KCTD8: variants seen among roughly 807,000 people sequenced by gnomAD.
KCTD8 encodes the protein potassium channel tetramerization domain containing 8.
KCTD8 carries 27 observed loss-of-function variants against 31.5 expected under a neutral mutation model. The observed-to-expected ratio is 0.86, with a 90% confidence interval of 0.63 to 1.18. The LOEUF is 1.18. KCTD8 is among the 50% of genes most tolerant of loss of function. The pLI, the probability that KCTD8 is intolerant of heterozygous loss-of-function variation, is 0.00. For synonymous variants in KCTD8, 290 were observed against 280.0 expected (o/e 1.04, Z -0.36); for missense variants, 658 against 647.7 (o/e 1.02, Z -0.17).
At chr4:44,206,937 A>T (rs1041214041) in intron 1 of KCTD8, among the ~76,000 whole-genome samples, 4 of 152,248 alleles carry the variant, frequency 2.6e-5, no homozygotes, top group Non-Finnish European at 5.9e-5. Context: ...AAATAAAAAA[A>T]TAACCATTCA....
intron 1 of KCTD8, among the ~76,000 whole-genome samples, chr4:44,430,825 T>C (rs964946045): frequency 6.6e-6 from 1 of 151,674 alleles, no homozygotes; most frequent in Non-Finnish European, 1.5e-5. Context: ...CACTAACCAC[T>C]GAAGCATTAG....
At chr4:44,427,571 C>T (rs932641375) in intron 1 of KCTD8, among the ~76,000 whole-genome samples, 1 of 151,314 alleles carries the variant, frequency 6.6e-6, no homozygotes, top group Non-Finnish European at 1.5e-5. Flanking sequence ...CAGAAATAAC[C>T]AAATAACCAT....
chr4:44,403,455 G>A (rs1235540315), intron 1 of KCTD8, among the ~76,000 whole-genome samples: 2 of 149,836 alleles, frequency 1.3e-5, no homozygotes, highest in Non-Finnish European at 3.0e-5. Context: ...AGATTAAGTG[G>A]CTTAAACACC....
chr4:44,270,942 C>A (rs1280555628), intron 1 of KCTD8, among the ~76,000 whole-genome samples: 1 of 152,028 alleles, frequency 6.6e-6, no homozygotes. Context: ...TTCATTCCTA[C>A]ATTCGTTTCA....
At chr4:44,198,348 T>C (rs1048741864) in intron 1 of KCTD8, among the ~76,000 whole-genome samples, 1 of 152,154 alleles carries the variant, frequency 6.6e-6, no homozygotes, top group Non-Finnish European at 1.5e-5. Context: ...CTATAGCATA[T>C]AGTCATCAGA....
At chr4:44,344,270 A>C (rs539538356) in intron 1 of KCTD8, among the ~76,000 whole-genome samples, 2 of 151,726 alleles carry the variant, frequency 1.3e-5, no homozygotes, top group East Asian at 3.9e-4. Context: ...CTGCAGCCTC[A>C]AACTTCTGGG....
At chr4:44,428,068 C>G (rs1018701299) in intron 1 of KCTD8, among the ~76,000 whole-genome samples, 4 of 151,542 alleles carry the variant, frequency 2.6e-5, no homozygotes, top group Non-Finnish European at 5.9e-5. Flanking sequence ...AATCACAATT[C>G]AGAGACAGAC....
At chr4:44,361,134 C>T (rs928375539) in intron 1 of KCTD8, among the ~76,000 whole-genome samples, 5 of 151,900 alleles carry the variant, frequency 3.3e-5, no homozygotes, top group Non-Finnish European at 7.4e-5. Context: ...ATTAAAATAA[C>T]TCTCGGGTTC....
At chr4:44,343,187 T>C (rs1718949420) in intron 1 of KCTD8, among the ~76,000 whole-genome samples, 1 of 152,206 alleles carries the variant, frequency 6.6e-6, no homozygotes, top group Non-Finnish European at 1.5e-5. Context: ...TAGCTTTTCA[T>C]TTAAAGTGAA....
At chr4:44,216,458 A>G (rs1460386249) in intron 1 of KCTD8, among the ~76,000 whole-genome samples, 1 of 152,144 alleles carries the variant, frequency 6.6e-6, no homozygotes, top group East Asian at 1.9e-4. Context: ...TTAATCCAAT[A>G]CCCTAACCTG....
chr4:44,253,726 A>G (rs763710124), intron 1 of KCTD8, among the ~76,000 whole-genome samples: 1 of 151,872 alleles, frequency 6.6e-6, no homozygotes, highest in Non-Finnish European at 1.5e-5. Context: ...TCGCAGACAT[A>G]TGAAAGATCC....
intron 1 of KCTD8, among the ~76,000 whole-genome samples, chr4:44,220,151 A>G (rs895869336): frequency 1.6e-4 from 25 of 152,190 alleles, no homozygotes; most frequent in Admixed American, 8.5e-4. Context: ...GGTGACTACC[A>G]TGTAGAGGTC....
chr4:44,419,064 G>A (rs1437128657), intron 1 of KCTD8, among the ~76,000 whole-genome samples: 3 of 152,116 alleles, frequency 2.0e-5, no homozygotes, highest in East Asian at 1.9e-4. Flanking sequence ...CTGGGAAAAT[G>A]GTGGTAGCAG....
chr4:44,326,342 C>T (rs1453702109), intron 1 of KCTD8, among the ~76,000 whole-genome samples: 1 of 151,608 alleles, frequency 6.6e-6, no homozygotes, highest in Non-Finnish European at 1.5e-5. Context: ...CATTTTTTTG[C>T]ATTAATTTTT....
At chr4:44,377,468 G>T (rs1159101204) in intron 1 of KCTD8, among the ~76,000 whole-genome samples, 44 of 152,162 alleles carry the variant, frequency 2.9e-4, no homozygotes, top group Admixed American at 2.8e-3. Flanking sequence ...ATTTCTGGGG[G>T]GTAGAATTAT....
At chr4:44,245,082 T>C (rs1282390306) in intron 1 of KCTD8, among the ~76,000 whole-genome samples, 1 of 152,168 alleles carries the variant, frequency 6.6e-6, no homozygotes, top group East Asian at 1.9e-4. Flanking sequence ...CTCTTTCCTC[T>C]AGCAATTCTC....
At chr4:44,232,932 T>C (rs927435752) in intron 1 of KCTD8, among the ~76,000 whole-genome samples, 8 of 152,144 alleles carry the variant, frequency 5.3e-5, no homozygotes, top group African/African-American at 1.9e-4. Context: ...GGAGCTAAAG[T>C]TGGAGTGGGA....
chr4:44,448,069 T>G lies in KCTD8; in HGVS notation c.455A>C (p.Lys152Thr). 6.2e-7 allele frequency: 1 copy of G among 1,612,372 alleles called. No individual in the cohort carries two copies. The highest frequency in any genetic ancestry group is 8.5e-7 in the Non-Finnish European group (1 of 1,179,734). ...GCCCTCGTCGTTGAGAGAGTTCTGC[T>G]TGGTGACCTTGGGCGACAGCAGCTT... ...LVKLLSPKVT[K>T]QNSLNDEGCQ... Residue 152 changes from lysine (K) to threonine (T), a missense_variant, in exon 1 of 2, where the codon AAG (lysine) becomes ACG (threonine). Transcript: ENST00000360029. The surrounding 1 kb of genome is among the most constrained non-coding windows in gnomAD (Gnocchi z 4.1).
intron 1 of KCTD8, among the ~76,000 whole-genome samples, chr4:44,405,490 C>T (rs897353959): frequency 6.6e-6 from 1 of 152,032 alleles, no homozygotes; most frequent in Non-Finnish European, 1.5e-5. Flanking sequence ...ATCTCTTGAG[C>T]TCATGATGAG....
Sources: gnomAD v4.1 joint callset for allele counts (sites outside exome capture counted in the v4.1 genomes callset) on GRCh38, gnomAD v4.1.1 for gene constraint, Gnocchi (gnomAD v3.1) non-coding constraint, MANE v1.5 for transcripts, NCBI Gene and HGNC (gene_info 2026-07-23, HGNC 2026-07-21) for gene names.